CCSER2: variants seen among roughly 807,000 people sequenced by gnomAD.
CCSER2 encodes coiled-coil serine rich protein 2, also known as serine-rich coiled-coil domain-containing protein 2.
Under a neutral mutation model 92.3 loss-of-function variants are expected in CCSER2, and 46 were observed. The observed-to-expected ratio is 0.50, with a 90% confidence interval of 0.39 to 0.64. CCSER2 has a LOEUF of 0.64. Ranked by LOEUF, CCSER2 falls within the 30% of genes least tolerant of loss-of-function variation. The pLI, the probability that CCSER2 is intolerant of heterozygous loss-of-function variation, is 0.00. For missense variants in CCSER2, 1,244 were observed against 1,238.9 expected, an observed-to-expected ratio of 1.00 and a Z score of -0.06; for synonymous variants, 433 against 431.4, an observed-to-expected ratio of 1.00 and a Z score of -0.04.
intron 9 of CCSER2, among the ~76,000 whole-genome samples, chr10:84,512,090 C>A (rs997946693): frequency 6.6e-6 from 1 of 152,034 alleles, no homozygotes; most frequent in African/African-American, 2.4e-5. Context: ...GCCTTGCCCT[C>A]AGTCACTCCC....
chr10:84,360,139 T>G (rs1589439296), intron 1 of CCSER2, among the ~76,000 whole-genome samples: 2 of 152,274 alleles, frequency 1.3e-5, no homozygotes, highest in East Asian at 3.9e-4. Flanking sequence ...AATGGAAGTT[T>G]TATATGGATG....
At chr10:84,347,401 AG>A (rs967917211) in intron 1 of CCSER2, among the ~76,000 whole-genome samples, 2 of 133,318 alleles carry the variant, frequency 1.5e-5, no homozygotes, top group Middle Eastern at 5.6e-3. Context: ...CTGGCCGGGG[AG>A]GGGGGGTGCT....
chr10:84,339,982 C>T (rs566300647), intron 1 of CCSER2, among the ~76,000 whole-genome samples: 16 of 152,234 alleles, frequency 1.1e-4, no homozygotes, highest in African/African-American at 3.1e-4. Flanking sequence ...GCTGGGATTA[C>T]AGGTGCATGC....
intron 9 of CCSER2, among the ~76,000 whole-genome samples, chr10:84,482,120 GTT>G (rs933750987): frequency 5.3e-5 from 8 of 152,180 alleles, no homozygotes; most frequent in African/African-American, 1.9e-4. Flanking sequence ...AGTAAAAGCA[GTT>G]TTCAGAAGAA....
At chr10:84,503,344 A>G (rs2131850492) in intron 9 of CCSER2, among the ~76,000 whole-genome samples, 1 of 152,272 alleles carries the variant, frequency 6.6e-6, no homozygotes, top group East Asian at 1.9e-4. Context: ...CTACTTCATG[A>G]TACTTTTTTA....
In CCSER2 at chr10:84,438,586, A is replaced by T; in HGVS notation, c.1943A>T (p.Lys648Met). 1.9e-6 allele frequency: 3 copies of T among 1,613,686 alleles called. No homozygotes were observed. Among genetic ancestry groups the T allele is most frequent in the Non-Finnish European group, 1.7e-6 (2 of 1,179,620 alleles). The change falls in exon 6 of 10, where the codon AAG becomes ATG. Residue 648 changes from lysine to methionine, a missense_variant. By Grantham distance (95) the Lys-to-Met change is moderately conservative. Transcript: ENST00000372088. ...YGGMPFFQAQ[K>M]MFVDVPENTV... is the part of the protein sequence containing the mutation. Reference sequence around the variant, plus strand: ...GGGATGCCCTTTTTCCAGGCTCAGAAGATGTTTGTTGATGTACCAGAAAAT... The same window carrying T: ...GGGATGCCCTTTTTCCAGGCTCAGATGATGTTTGTTGATGTACCAGAAAAT...
intron 5 of CCSER2, among the ~76,000 whole-genome samples, chr10:84,428,549 G>GTTATCTGCAAATAGTTT (rs1564652849): frequency 6.6e-6 from 1 of 152,098 alleles, no homozygotes; most frequent in Non-Finnish European, 1.5e-5. Context: ...TACAAGATAT[G>GTTATCTGCAAATAGTTT]TTATCTGCAA....
At chr10:84,426,121 A>G (rs892457449) in intron 5 of CCSER2, among the ~76,000 whole-genome samples, 2 of 152,152 alleles carry the variant, frequency 1.3e-5, no homozygotes, top group African/African-American at 4.8e-5. Flanking sequence ...TACTCTATTT[A>G]TATCTGCTTT....
Position 84,514,071 on chromosome 10 carries a change from C to T in CCSER2, c.2948C>T (p.Pro983Leu). Residue 983 changes from proline (P) to leucine (L), a missense_variant, in exon 10 of 10, where the codon CCC becomes CTC. By Grantham distance (98) the Pro-to-Leu change is moderately conservative (BLOSUM62 -3). Coordinates refer to ENST00000372088, the MANE Select transcript of CCSER2 (RefSeq NM_001284240.2). ...AATCTGAAAGCATCTAAGCTCCGCC[C>T]CCCCTCAGGCTCTTTCAAACAAAAA... Reference protein sequence around the residue: ...NQNLKASKLRPPSGSFKQKQT... With the variant: ...NQNLKASKLRLPSGSFKQKQT... 1 of 1,536,204 alleles carries T rather than the reference C, an allele frequency of 6.5e-7. No individual in the cohort carries two copies. Among genetic ancestry groups the T allele is most frequent in the Non-Finnish European group, 8.7e-7 (1 of 1,146,944 alleles).
chr10:84,332,821 G>T (rs1337010653), intron 1 of CCSER2, among the ~76,000 whole-genome samples: 1 of 151,944 alleles, frequency 6.6e-6, no homozygotes, highest in Non-Finnish European at 1.5e-5. Context: ...AAAGAAAAAA[G>T]TCAGTGATTT....
chr10:84,457,327 A>G (rs1395333592), intron 6 of CCSER2, among the ~76,000 whole-genome samples: 19 of 63,654 alleles, frequency 3.0e-4, no homozygotes, highest in South Asian at 4.5e-4. Context: ...TATATTATAT[A>G]TAATATATTA....
chr10:84,374,386 T>C (rs1374533099), intron 3 of CCSER2, among the ~76,000 whole-genome samples: 2 of 152,208 alleles, frequency 1.3e-5, no homozygotes, highest in Non-Finnish European at 1.5e-5. Context: ...GACAGCTCTC[T>C]AGGGCAGCTG....
intron 1 of CCSER2, among the ~76,000 whole-genome samples, chr10:84,333,048 ATAACC>A (rs1051542891): frequency 6.6e-6 from 1 of 152,328 alleles, no homozygotes; most frequent in Non-Finnish European, 1.5e-5. Flanking sequence ...GGAAAACAAA[ATAACC>A]TAACTTTAAT....
intron 3 of CCSER2, among the ~76,000 whole-genome samples, chr10:84,404,502 G>A (rs938376937): frequency 1.3e-5 from 2 of 152,206 alleles, no homozygotes; most frequent in African/African-American, 4.8e-5. Context: ...AGCTCAAGCT[G>A]CTTGATTTTG....
intron 9 of CCSER2, among the ~76,000 whole-genome samples, chr10:84,486,143 T>C (rs146960448): frequency 0.13 from 19,266 of 152,206 alleles, 1,492 homozygotes; most frequent in Admixed American, 0.23. Flanking sequence ...CAGTCTATCA[T>C]TGATGGACAT....
intron 7 of CCSER2, among the ~76,000 whole-genome samples, chr10:84,464,433 G>GT (rs1357586626): frequency 2.8e-5 from 1 of 36,320 alleles, no homozygotes; most frequent in Non-Finnish European, 5.6e-5. Flanking sequence ...GTGAGTGAAA[G>GT]TGTTTTTTTA....
intron 1 of CCSER2, among the ~76,000 whole-genome samples, chr10:84,343,433 C>T (rs1014935133): frequency 6.6e-6 from 1 of 152,152 alleles, no homozygotes; most frequent in Admixed American, 6.5e-5. Flanking sequence ...GAAGCCCCGT[C>T]AGTGTAAGTA....
chr10:84,424,477 T>C (rs907856783), intron 4 of CCSER2, among the ~76,000 whole-genome samples: 6 of 152,218 alleles, frequency 3.9e-5, no homozygotes, highest in Admixed American at 6.5e-5. Flanking sequence ...TAAATTGTTA[T>C]ACATTTAGAG....
At chr10:84,489,169 A>C (rs890669777) in intron 9 of CCSER2, among the ~76,000 whole-genome samples, 1 of 152,254 alleles carries the variant, frequency 6.6e-6, no homozygotes, top group South Asian at 2.1e-4. Context: ...TCTGTGGTCA[A>C]TTTTGGAATA....
Sources: allele counts gnomAD v4.1 joint callset (sites outside exome capture counted in the v4.1 genomes callset), GRCh38; gene constraint gnomAD v4.1.1; transcripts MANE v1.5; gene names NCBI Gene and HGNC (gene_info 2026-07-23, HGNC 2026-07-21).